The following CTNND2 variants were observed in gnomAD, a reference collection of about 807,000 sequenced individuals.
CTNND2 encodes catenin delta-2.
A neutral mutation model predicts 144.4 loss-of-function variants in CTNND2; 22 were observed. That is an observed-to-expected ratio of 0.15 (90% confidence interval 0.11 to 0.22). The LOEUF is 0.22. Among genes scored for constraint, CTNND2 ranks in the 10% least tolerant of loss-of-function variants. The pLI is 1.00. For missense variants in CTNND2, 1,353 were observed against 1,618.8 expected, an observed-to-expected ratio of 0.84 and a Z score of 2.82; for synonymous variants, 751 against 695.6, an observed-to-expected ratio of 1.08 and a Z score of -1.25.
At chr5:11,279,941 C>T (rs925726460) in intron 9 of CTNND2, among the ~76,000 whole-genome samples, 6 of 152,100 alleles carry the variant, frequency 3.9e-5, no homozygotes, top group Non-Finnish European at 8.8e-5. Flanking sequence ...GAGAAATTTA[C>T]CCCCATGATC....
At chr5:11,169,362 T>G (rs1759674905) in intron 11 of CTNND2, among the ~76,000 whole-genome samples, 1 of 152,194 alleles carries the variant, frequency 6.6e-6, no homozygotes, top group Admixed American at 6.5e-5. Context: ...TTTGGGGAGC[T>G]GACAGCTGAC....
chr5:11,443,570 T>C (rs1456958920), intron 3 of CTNND2, among the ~76,000 whole-genome samples: 1 of 152,080 alleles, frequency 6.6e-6, no homozygotes, highest in African/African-American at 2.4e-5. Flanking sequence ...TATCTTTACT[T>C]TCTTCTCTAT....
chr5:11,874,399 T>C lies in CTNND2; in HGVS notation c.37+29418A>G, dbSNP rs1735396608. 3.3e-5 allele frequency among the ~76,000 whole-genome samples: 5 copies of C among 152,208 alleles called. No homozygotes were observed. The South Asian group carries it at 6.2e-4, about 19-fold the overall frequency. On this transcript the variant is annotated intron_variant, in intron 1 of 21. Transcript: ENST00000304623. ...CACATACCTATGATAAAGTGAAATTTATAGTTAGGCACAGTGGGAGATTAA... is the reference window on the plus strand; with the variant it reads ...CACATACCTATGATAAAGTGAAATTCATAGTTAGGCACAGTGGGAGATTAA...
At chr5:11,832,309 G>C (rs1009580918) in intron 1 of CTNND2, among the ~76,000 whole-genome samples, 1 of 151,620 alleles carries the variant, frequency 6.6e-6, no homozygotes, top group Admixed American at 6.6e-5. Context: ...AAAAAAAAAC[G>C]AAAGCTCTGT....
intron 16 of CTNND2, among the ~76,000 whole-genome samples, chr5:11,025,530 A>G (rs913773652): frequency 1.3e-5 from 2 of 152,190 alleles, no homozygotes; most frequent in Non-Finnish European, 2.9e-5. Context: ...GTTATTATGG[A>G]AGGCTTGATT....
intron 9 of CTNND2, among the ~76,000 whole-genome samples, chr5:11,317,978 G>A (rs2150063911): frequency 6.6e-6 from 1 of 152,274 alleles, no homozygotes; most frequent in East Asian, 1.9e-4. Context: ...GCCATGCTGA[G>A]CAGAGTTCCA....
At chr5:11,312,805 CCCTGGACAACTTG>C (rs1250576649) in intron 9 of CTNND2, among the ~76,000 whole-genome samples, 1 of 148,718 alleles carries the variant, frequency 6.7e-6, no homozygotes, top group Non-Finnish European at 1.5e-5. Context: ...AGCCATACGT[CCCTGGACAACTTG>C]TCCTTTTCAC....
At chr5:11,234,669 G>A (rs939704322) in intron 10 of CTNND2, among the ~76,000 whole-genome samples, 7 of 152,206 alleles carry the variant, frequency 4.6e-5, no homozygotes, top group African/African-American at 1.7e-4. Context: ...CCCAAGGCTG[G>A]CCCATGGATC....
intron 2 of CTNND2, among the ~76,000 whole-genome samples, chr5:11,648,468 A>G (rs1373125853): frequency 1.3e-5 from 2 of 152,272 alleles, no homozygotes; most frequent in Middle Eastern, 3.4e-3. Context: ...AGAGGAATCT[A>G]CAGACCCACT....
In CTNND2 at chr5:11,412,015, A is replaced by T. The variant is rs527692947; in HGVS notation, c.322+20T>A. 6.3e-7 allele frequency: 1 copy of T among 1,598,216 alleles called. No homozygotes were observed. Among genetic ancestry groups the T allele is most frequent in the Admixed American group, 1.7e-5 (1 of 59,956 alleles). ...GATATGTTTAGAAGTGTAAGTGTTCATCAATAAGATAGACATTACCTTGTG... is the reference window on the plus strand; with the variant it reads ...GATATGTTTAGAAGTGTAAGTGTTCTTCAATAAGATAGACATTACCTTGTG... On this transcript the variant is annotated intron_variant, in intron 4 of 21. Coordinates refer to ENST00000304623, the MANE Select transcript of CTNND2 (RefSeq NM_001332.4).
At chr5:11,160,460 G>A (rs909084369) in intron 11 of CTNND2, among the ~76,000 whole-genome samples, 3 of 152,308 alleles carry the variant, frequency 2.0e-5, no homozygotes, top group African/African-American at 4.8e-5. Context: ...AAATGTTAAC[G>A]ACAAATAGAA....
At chr5:11,002,273 T>G (rs1740034973) in intron 18 of CTNND2, among the ~76,000 whole-genome samples, 1 of 152,238 alleles carries the variant, frequency 6.6e-6, no homozygotes, top group Non-Finnish European at 1.5e-5. Context: ...CCAGAAAACA[T>G]GCAGAGCATG....
At chr5:11,077,694 C>T (rs1020108383) in intron 16 of CTNND2, among the ~76,000 whole-genome samples, 4 of 152,008 alleles carry the variant, frequency 2.6e-5, no homozygotes, top group African/African-American at 9.7e-5. Context: ...AATAGGAGAC[C>T]ATCTAGGGTG....
intron 16 of CTNND2, among the ~76,000 whole-genome samples, chr5:11,068,722 T>C (rs893358576): frequency 6.6e-5 from 10 of 152,180 alleles, no homozygotes; most frequent in African/African-American, 2.4e-4. Context: ...GAGACCATCC[T>C]GGCTAACACG....
chr5:11,569,869 G>A (rs190833771), intron 2 of CTNND2, among the ~76,000 whole-genome samples: 2 of 152,272 alleles, frequency 1.3e-5, no homozygotes, highest in Admixed American at 6.5e-5. Context: ...GAACCAGGAA[G>A]TGGGCCCTCA....
intron 10 of CTNND2, among the ~76,000 whole-genome samples, chr5:11,228,740 A>G (rs1740645656): frequency 6.6e-6 from 1 of 152,030 alleles, no homozygotes; most frequent in Admixed American, 6.6e-5. Flanking sequence ...TCAGCCTCCA[A>G]AAGTGCTAGG....
intron 16 of CTNND2, among the ~76,000 whole-genome samples, chr5:11,038,768 T>C (rs1744364281): frequency 6.6e-6 from 1 of 152,248 alleles, no homozygotes; most frequent in African/African-American, 2.4e-5. Context: ...TTTAACATCA[T>C]ATAGCTCTCA....
chr5:11,587,853 G>T (rs1778975451), intron 2 of CTNND2, among the ~76,000 whole-genome samples: 3 of 151,906 alleles, frequency 2.0e-5, no homozygotes, highest in Admixed American at 2.0e-4. Context: ...TCCACAGATT[G>T]TCATTTTATT....
At chr5:11,125,744 T>C (rs1218863573) in intron 12 of CTNND2, among the ~76,000 whole-genome samples, 4 of 152,220 alleles carry the variant, frequency 2.6e-5, no homozygotes, top group African/African-American at 7.2e-5. Context: ...CAAAAACTAA[T>C]GTAAAAATAT....
Sources: gnomAD v4.1 joint callset for allele counts (sites outside exome capture counted in the v4.1 genomes callset) on GRCh38, gnomAD v4.1.1 for gene constraint, MANE v1.5 for transcripts, NCBI Gene and HGNC (gene_info 2026-07-23, HGNC 2026-07-21) for gene names.